The following DOCK3 variants were observed in gnomAD, a reference collection of about 807,000 sequenced individuals.
DOCK3 encodes the protein dedicator of cytokinesis protein 3.
In DOCK3, 60 loss-of-function variants were observed where a neutral mutation model predicts 265.6. The ratio of observed to expected loss-of-function variants is 0.23; its 90% CI spans 0.18 to 0.28. The LOEUF (loss-of-function observed/expected upper bound fraction) is 0.28. Ranked by LOEUF, DOCK3 falls within the 10% of genes least tolerant of loss-of-function variation. The pLI is 1.00. For missense variants in DOCK3, 1,981 were observed against 2,594.3 expected (o/e 0.76, Z 5.14); for synonymous variants, 881 against 938.0 (o/e 0.94, Z 1.11).
chr3:51,204,084 C>T (rs1348861018), intron 12 of DOCK3, among the ~76,000 whole-genome samples: 3 of 147,000 alleles, frequency 2.0e-5, no homozygotes, highest in Non-Finnish European at 3.0e-5. Flanking sequence ...CTAGGCATTA[C>T]CATTCAGGAC....
intron 20 of DOCK3, 59 bp from the exon 21 acceptor site, chr3:51,237,431 C>A: frequency 1.4e-6 from 2 of 1,422,082 alleles, no homozygotes; most frequent in Non-Finnish European, 2.0e-6. Context: ...CTGTTTCCTG[C>A]TGGGGATAGA....
chr3:51,367,296 A>T (rs2087267387), intron 49 of DOCK3, among the ~76,000 whole-genome samples: 1 of 152,136 alleles, frequency 6.6e-6, no homozygotes, highest in Admixed American at 6.5e-5. Context: ...GTTTTATCAG[A>T]GACGAGGATT....
chr3:50,793,579 A>C (rs1258380346), intron 2 of DOCK3, among the ~76,000 whole-genome samples: 1 of 152,006 alleles, frequency 6.6e-6, no homozygotes, highest in Admixed American at 6.6e-5. Flanking sequence ...GCTGGTCTCG[A>C]ACTCCTGATC....
At chr3:51,106,406 C>T (rs2083281709) in intron 9 of DOCK3, among the ~76,000 whole-genome samples, 1 of 152,214 alleles carries the variant, frequency 6.6e-6, no homozygotes, top group African/African-American at 2.4e-5. Flanking sequence ...TGCAGCCTCC[C>T]CATGCCACTT....
intron 3 of DOCK3, among the ~76,000 whole-genome samples, chr3:50,879,272 C>T (rs985018729): frequency 6.6e-6 from 1 of 151,900 alleles, no homozygotes; most frequent in Non-Finnish European, 1.5e-5. Flanking sequence ...AAATTCACAC[C>T]TAACAATATT....
chr3:50,938,911 C>A (rs1310095451), intron 5 of DOCK3, among the ~76,000 whole-genome samples: 1 of 150,304 alleles, frequency 6.7e-6, no homozygotes, highest in African/African-American at 2.4e-5. Flanking sequence ...TAATAATAAT[C>A]CAAAGCAAGC....
intron 46 of DOCK3, 126 bp downstream of exon 46, chr3:51,358,203 G>A (rs905477068): frequency 3.4e-6 from 3 of 870,392 alleles, no homozygotes; most frequent in Non-Finnish European, 5.3e-6. Flanking sequence ...TGGGGAGAGA[G>A]GCTGTCCTCC....
At chr3:50,922,634 G>A (rs189378002) in intron 4 of DOCK3, among the ~76,000 whole-genome samples, 1 of 152,320 alleles carries the variant, frequency 6.6e-6, no homozygotes, top group Admixed American at 6.5e-5. Flanking sequence ...GCTGGGAGCT[G>A]TAGACTGGAG....
At chr3:51,024,586 A>C (rs2079736232) in intron 5 of DOCK3, among the ~76,000 whole-genome samples, 1 of 152,178 alleles carries the variant, frequency 6.6e-6, no homozygotes, top group South Asian at 2.1e-4. Context: ...TCACAGCTTT[A>C]CTGTTTTCCC....
At chr3:51,278,626 A>G (rs2108970647) in intron 26 of DOCK3, 1 of 815,314 alleles carries the variant, frequency 1.2e-6, no homozygotes. Context: ...ATATATATAT[A>G]TATATATGTA....
At chr3:50,856,980 T>C (rs2046631987) in intron 3 of DOCK3, among the ~76,000 whole-genome samples, 1 of 152,224 alleles carries the variant, frequency 6.6e-6, no homozygotes, top group South Asian at 2.1e-4. Context: ...CCACATTTAT[T>C]GATTTGCATG....
At chr3:51,364,259 G>A (rs1193127877) in intron 49 of DOCK3, among the ~76,000 whole-genome samples, 1 of 152,154 alleles carries the variant, frequency 6.6e-6, no homozygotes, top group East Asian at 1.9e-4. Flanking sequence ...ATTTTTTCAT[G>A]TGTCTGTTGG....
chr3:50,921,936 C>T (rs1259896807), intron 4 of DOCK3, among the ~76,000 whole-genome samples: 3 of 152,148 alleles, frequency 2.0e-5, no homozygotes, highest in Non-Finnish European at 4.4e-5. Flanking sequence ...CAGAGGGGCA[C>T]CTGGCTGTAT....
At position 51,026,433 on chromosome 3, in the gene DOCK3, G is replaced by GT. The variant is rs34722593; in HGVS notation, c.316-37999dup. Among the ~76,000 whole-genome samples the GT allele has an allele frequency of 9.7e-3, 1,365 of 140,238 alleles. 23 individuals carry two copies. Among genetic ancestry groups the GT allele is most frequent in the African/African-American group, 0.031 (1,173 of 38,434 alleles). 92.0% of individuals were successfully genotyped at this position (140,238 alleles called of 152,430 possible). A position where few individuals can be genotyped will look rare whatever the true frequency, so the allele number is the denominator to read the frequency against. On this transcript the variant is annotated intron_variant, in intron 5 of 52. Transcript: ENST00000266037. ...TGTTTATCAGGGATATTGGCCTGTAGTTTTTTTTTTTTTTTTATTGTGTCC... is the reference window on the plus strand; with the variant it reads ...TGTTTATCAGGGATATTGGCCTGTAGTTTTTTTTTTTTTTTTTATTGTGTCC...
intron 9 of DOCK3, among the ~76,000 whole-genome samples, chr3:51,139,252 A>C (rs953405969): frequency 2.1e-5 from 3 of 143,850 alleles, no homozygotes; most frequent in Non-Finnish European, 3.0e-5. Context: ...ACTCAACTGC[A>C]GTGGGGGGAG....
rs59183036 is a variant in DOCK3, at chr3:50,708,824, C to T, written c.37+33524C>T. Among the ~76,000 whole-genome samples, 1,163 of 152,304 alleles carry T rather than the reference C, an allele frequency of 7.6e-3. 18 individuals carry two copies. The highest frequency in any genetic ancestry group is 0.027 in the African/African-American group (1,119 of 41,578). On this transcript the variant is annotated intron_variant, in intron 1 of 52. Transcript: ENST00000266037. Reference sequence around the variant, plus strand: ...CTTGTTTTCCTCTCCTTTTATGCCTCAGAGCTTTCTTGTCACTTCTGTGCT... The same window carrying T: ...CTTGTTTTCCTCTCCTTTTATGCCTTAGAGCTTTCTTGTCACTTCTGTGCT...
chr3:50,880,675 C>G lies in DOCK3; in HGVS notation c.163-9351C>G, dbSNP rs557052829. On this transcript the variant is annotated intron_variant, in intron 3 of 52. Coordinates refer to ENST00000266037, the MANE Select transcript of DOCK3 (RefSeq NM_004947.5). ...AAAAAAGTCCAGGACCAGACAGATT[C>G]ACAGCTGAATTCGACCAGAAGTACA... 3 of 152,726 alleles carry G rather than the reference C, an allele frequency of 2.0e-5. No individual in the cohort carries two copies. In the South Asian group the frequency reaches 6.0e-4, roughly 31 times the overall value. 9.5% of individuals were successfully genotyped at this position (152,726 alleles called of 1,614,324 possible). A position where few individuals can be genotyped will look rare whatever the true frequency, so the allele number is the denominator to read the frequency against.
chr3:51,336,411 A>G (rs957848262), intron 35 of DOCK3, among the ~76,000 whole-genome samples: 1 of 151,814 alleles, frequency 6.6e-6, no homozygotes, highest in Non-Finnish European at 1.5e-5. Context: ...TCAGAGTGGA[A>G]CCTCTACCTG....
intron 5 of DOCK3, among the ~76,000 whole-genome samples, chr3:50,973,587 C>T (rs1200343956): frequency 3.4e-5 from 5 of 147,494 alleles, no homozygotes; most frequent in East Asian, 4.0e-4. Flanking sequence ...TGAATAGTGC[C>T]GCAATAAACA....
Sources: allele counts gnomAD v4.1 joint callset (sites outside exome capture counted in the v4.1 genomes callset), GRCh38; gene constraint gnomAD v4.1.1; transcripts MANE v1.5; gene names NCBI Gene and HGNC (gene_info 2026-07-23, HGNC 2026-07-21).